CEP170: variants seen among roughly 807,000 people sequenced by gnomAD.
The protein encoded by CEP170 is centrosomal protein 170.
A neutral mutation model predicts 151.9 loss-of-function variants in CEP170; 21 were observed. The observed-to-expected ratio is 0.14, with a 90% confidence interval of 0.10 to 0.20. The LOEUF (loss-of-function observed/expected upper bound fraction) is 0.20. Among genes scored for constraint, CEP170 ranks in the 10% least tolerant of loss-of-function variants. CEP170 has a pLI of 1.00. For missense variants in CEP170, 964 were observed against 1,892.9 expected, an observed-to-expected ratio of 0.51 and a Z score of 9.11; for synonymous variants, 356 against 648.8, an observed-to-expected ratio of 0.55 and a Z score of 6.86.
intron 17 of CEP170, among the ~76,000 whole-genome samples, chr1:243,135,028 A>T (rs537334296): frequency 6.6e-6 from 1 of 152,332 alleles, no homozygotes; most frequent in East Asian, 1.9e-4. Context: ...TGGAATATTC[A>T]TATTTTTTAA....
At chr1:243,231,553 A>G (rs1340833493) in intron 1 of CEP170, among the ~76,000 whole-genome samples, 1 of 152,158 alleles carries the variant, frequency 6.6e-6, no homozygotes, top group Non-Finnish European at 1.5e-5. Context: ...TTATAATATT[A>G]CGGGGGAGGA....
intron 4 of CEP170, among the ~76,000 whole-genome samples, chr1:243,207,092 T>C (rs1272019203): frequency 6.6e-6 from 1 of 152,164 alleles, no homozygotes; most frequent in Non-Finnish European, 1.5e-5. Flanking sequence ...ATTATCACAA[T>C]AAATGTGAAT....
chr1:243,214,599 C>T (rs1289837217), intron 3 of CEP170, among the ~76,000 whole-genome samples: 1 of 129,844 alleles, frequency 7.7e-6, no homozygotes, highest in Non-Finnish European at 1.8e-5. Context: ...ATTTTTAAAA[C>T]ACTGTGTTTT....
At chr1:243,130,956 T>C (rs1280421570) in intron 17 of CEP170, among the ~76,000 whole-genome samples, 1 of 152,070 alleles carries the variant, frequency 6.6e-6, no homozygotes, top group East Asian at 1.9e-4. Flanking sequence ...AATAAGGAAA[T>C]AATGACTATT....
rs566098852 is a variant in CEP170, at chr1:243,132,159, T to C, written c.4320-2706A>G. Among the ~76,000 whole-genome samples the C allele has an allele frequency of 4.6e-5, 7 of 152,326 alleles. No individual in the cohort carries two copies. The South Asian group carries it at 1.2e-3, about 27-fold the overall frequency. On this transcript the variant is annotated intron_variant, in intron 17 of 19. Coordinates refer to ENST00000366542, the MANE Select transcript of CEP170 (RefSeq NM_014812.3). ...GAACCCCAGTAGACATTTGAGGTTATAACTCCTGACACAAAGCTTAAAGAC... is the reference window on the plus strand; with the variant it reads ...GAACCCCAGTAGACATTTGAGGTTACAACTCCTGACACAAAGCTTAAAGAC...
chr1:243,167,721 A>G (rs942432215), intron 12 of CEP170, among the ~76,000 whole-genome samples: 1 of 151,744 alleles, frequency 6.6e-6, no homozygotes, highest in African/African-American at 2.4e-5. Flanking sequence ...ATGGAGGAAA[A>G]TCCATACTGA....
intron 1 of CEP170, among the ~76,000 whole-genome samples, chr1:243,252,880 C>T (rs867556064): frequency 1.3e-5 from 2 of 151,734 alleles, no homozygotes; most frequent in African/African-American, 4.8e-5. Flanking sequence ...AAAATCAACC[C>T]AATAAAAAAC....
chr1:243,156,453 T>G lies in CEP170; in HGVS notation c.3679A>C (p.Asn1227His). ...GTAGGAAAGCGCCTCCATCTTGAAT[T>G]TACTAAATTAGTTTAATTATTAAAA... ...MTSAHGSASV[N>H]SRWRRFPTDY... Residue 1227 changes from asparagine (N) to histidine (H), a missense_variant and splice_region_variant, in exon 14 of 20, where the codon AAT becomes CAT. By Grantham distance (68) the Asn-to-His change is moderately conservative. Transcript: ENST00000366542. The G allele has an allele frequency of 6.5e-7, 1 of 1,538,720 alleles. No individual in the cohort carries two copies. The highest frequency in any genetic ancestry group is 8.8e-7 in the Non-Finnish European group (1 of 1,142,238).
chr1:243,172,556 C>T lies in CEP170; in HGVS notation c.1716+141G>A, dbSNP rs2058927303. 8.8e-6 allele frequency: 5 copies of T among 569,758 alleles called. No homozygotes were observed. In the Admixed American group the frequency reaches 1.9e-4, roughly 22 times the overall value. The allele number at this position is 569,758 out of a possible 1,614,324, so 35.3% of individuals were successfully genotyped here. On this transcript the variant is annotated intron_variant, in intron 11 of 19. Transcript: ENST00000366542. ...CTGAAGCAGGAGAATCACTTGAACT[C>T]AGACGGCAGAGGCTGCAGTGAGCCG...
intron 3 of CEP170, among the ~76,000 whole-genome samples, chr1:243,221,182 A>G (rs977271764): frequency 1.1e-4 from 16 of 151,676 alleles, no homozygotes; most frequent in Admixed American, 3.9e-4. Context: ...CCGCCACCAC[A>G]CCCGGCTAAT....
intron 14 of CEP170, among the ~76,000 whole-genome samples, chr1:243,147,338 A>C (rs1246855732): frequency 5.3e-5 from 8 of 152,246 alleles, no homozygotes; most frequent in African/African-American, 1.9e-4. Context: ...TCTGCCACTT[A>C]ACTGGATATC....
chr1:243,150,253 C>T (rs868481436), intron 14 of CEP170, among the ~76,000 whole-genome samples: 27 of 152,204 alleles, frequency 1.8e-4, no homozygotes, highest in African/African-American at 5.8e-4. Context: ...CAAGTTTCAA[C>T]GATTCTCCTG....
intron 1 of CEP170, among the ~76,000 whole-genome samples, chr1:243,227,850 T>C (rs757194463): frequency 3.9e-5 from 6 of 152,204 alleles, no homozygotes; most frequent in Non-Finnish European, 8.8e-5. Context: ...GCTTTGAGAA[T>C]AGTTATCCTA....
rs1486838061 is a variant in CEP170 at position 243,125,323 on chromosome 1, C to T, written c.*1126G>A. ...AGTAGCACAGGCCAAAGGCCTTTGT[C>T]GTCGTCTTGCAGGGTCCTTATAAAT... On this transcript the variant is annotated 3_prime_UTR_variant, in exon 20 of 20. Transcript: ENST00000366542. 1.3e-5 allele frequency: 2 copies of T among 152,642 alleles called. No homozygotes were observed. Among genetic ancestry groups the T allele is most frequent in the Admixed American group, 6.5e-5 (1 of 15,284 alleles). The allele number at this position is 152,642 out of a possible 1,614,324, so 9.5% of individuals were successfully genotyped here. A position where few individuals can be genotyped will look rare whatever the true frequency, so the allele number is the denominator to read the frequency against.
Position 243,159,763 on chromosome 1 carries a change from T to TGTGTGTGTGTGTGTGTGTGTGTG in CEP170, c.3677-3309_3677-3308insCACACACACACACACACACACAC, listed in dbSNP as rs2057892319. On this transcript the variant is annotated intron_variant, in intron 13 of 19. Transcript: ENST00000366542. ...ACATTCTACATTTTTGTTTCCGGTT[T>TGTGTGTGTGTGTGTGTGTGTGTG]TGTGTGTGTGTGTGTGTGTGTGTGT... Among the ~76,000 whole-genome samples the TGTGTGTGTGTGTGTGTGTGTGTG allele has an allele frequency of 3.1e-4, 39 of 127,162 alleles. No individual in the cohort carries two copies. The East Asian group carries it at 4.7e-3, about 15-fold the overall frequency. 83.4% of individuals were successfully genotyped at this position (127,162 alleles called of 152,430 possible). A position where few individuals can be genotyped will look rare whatever the true frequency, so the allele number is the denominator to read the frequency against.
At chr1:243,212,348 T>C (rs1490959338) in intron 3 of CEP170, among the ~76,000 whole-genome samples, 1 of 152,214 alleles carries the variant, frequency 6.6e-6, no homozygotes, top group African/African-American at 2.4e-5. Flanking sequence ...TGTCTATGTG[T>C]AAGCATTGAC....
chr1:243,214,389 G>A (rs113109451), intron 3 of CEP170, among the ~76,000 whole-genome samples: 3,591 of 147,908 alleles, frequency 0.024, 64 homozygotes, highest in Middle Eastern at 0.078. Flanking sequence ...AGGTTCAAGC[G>A]ATTCTCCTGC....
At chr1:243,197,178 G>A (rs996058906) in intron 7 of CEP170, among the ~76,000 whole-genome samples, 11 of 152,062 alleles carry the variant, frequency 7.2e-5, no homozygotes, top group Non-Finnish European at 1.5e-4. Flanking sequence ...GACTCAGGAC[G>A]GCGGGCAGCG....
intron 14 of CEP170, among the ~76,000 whole-genome samples, chr1:243,147,993 C>T (rs1287108281): frequency 1.3e-5 from 2 of 152,008 alleles, no homozygotes; most frequent in Admixed American, 1.3e-4. Context: ...ATAGTCTGGC[C>T]AACATGGTGA....
Sources: gnomAD v4.1 joint callset for allele counts (sites outside exome capture counted in the v4.1 genomes callset) on GRCh38, gnomAD v4.1.1 for gene constraint, MANE v1.5 for transcripts, NCBI Gene and HGNC (gene_info 2026-07-23, HGNC 2026-07-21) for gene names.